Variants in CMBL observed in about 807,000 individuals in gnomAD.
CMBL encodes the protein carboxymethylenebutenolidase homolog.
A neutral mutation model predicts 28.7 loss-of-function variants in CMBL; 17 were observed. That is an observed-to-expected ratio of 0.59 (90% CI 0.41 to 0.89). The LOEUF is 0.89. Among genes scored for constraint, CMBL ranks in the 40% least tolerant of loss-of-function variants. CMBL has a pLI of 0.00. For missense variants in CMBL, 310 were observed against 298.5 expected (o/e 1.04, Z -0.28); for synonymous variants, 106 against 101.6 (o/e 1.04, Z -0.26).
rs1022681136 is a variant in CMBL, at chr5:10,283,421, CAGACCACG to C, written c.467-1141_467-1134del. On this transcript the variant is annotated intron_variant, in intron 4 of 5. Transcript: ENST00000296658. Reference sequence around the variant, plus strand: ...TTTGAGTGGGTATTTAGACTCGCACCAGACCACGAGTGTGGAAGTGTGGAAGTGTGAAA... The same window carrying C: ...TTTGAGTGGGTATTTAGACTCGCACCAGTGTGGAAGTGTGGAAGTGTGAAA... 7.2e-5 allele frequency among the ~76,000 whole-genome samples: 11 copies of C among 152,242 alleles called. No homozygotes were observed. In the East Asian group the frequency reaches 1.9e-3, roughly 27 times the overall value.
chr5:10,302,031 A>G (rs1440225875), intron 1 of CMBL, among the ~76,000 whole-genome samples: 1 of 152,182 alleles, frequency 6.6e-6, no homozygotes, highest in Non-Finnish European at 1.5e-5. Context: ...CTCCTACAGG[A>G]GACGCCCGTG....
chr5:10,286,275 G>A, intron 4 of CMBL, 79 bp downstream of exon 4: 1 of 1,420,226 alleles, frequency 7.0e-7, no homozygotes, highest in Admixed American at 1.9e-5. Context: ...GTGTTACACT[G>A]GATGGGGAGG....
In CMBL at chr5:10,282,282, A is replaced by C. The variant is rs750679138; in HGVS notation, c.473T>G (p.Val158Gly). 1.9e-6 allele frequency: 3 copies of C among 1,599,508 alleles called. No homozygotes were observed. The highest frequency in any genetic ancestry group is 2.6e-6 in the Non-Finnish European group (3 of 1,166,390). Residue 158 changes from valine to glycine, a missense_variant, in exon 5 of 6, where the codon GTC becomes GGC. Val to Gly is a moderately radical substitution (Grantham distance 109). Transcript: ENST00000296658. The stretch of plus-strand genomic sequence containing the variant: ...ATTGTAAATGTCTTCAGAATCCTTG[A>C]CAATGCCTGAAAAACAAGCACAGAG... ...FRAGVSVYGIVKDSEDIYNLK... is the reference protein window; with the variant it reads ...FRAGVSVYGIGKDSEDIYNLK...
intron 1 of CMBL, among the ~76,000 whole-genome samples, chr5:10,301,665 G>A (rs551191471): frequency 2.0e-5 from 3 of 146,678 alleles, no homozygotes; most frequent in East Asian, 2.0e-4. Context: ...TGCAGTGCAC[G>A]ATCTCCGCTC....
chr5:10,302,891 AG>A (rs1746934579), intron 1 of CMBL, among the ~76,000 whole-genome samples: 2 of 152,230 alleles, frequency 1.3e-5, no homozygotes, highest in Non-Finnish European at 2.9e-5. Flanking sequence ...TACATTCTGT[AG>A]AGAATCCCCT....
chr5:10,297,863 T>C (rs1746836277), intron 1 of CMBL, among the ~76,000 whole-genome samples: 1 of 151,512 alleles, frequency 6.6e-6, no homozygotes, highest in Non-Finnish European at 1.5e-5. Context: ...CAGGTGGTGG[T>C]GGGTGTGGGG....
chr5:10,295,862 T>G (rs1746799802), intron 1 of CMBL, among the ~76,000 whole-genome samples: 1 of 152,222 alleles, frequency 6.6e-6, no homozygotes, highest in Admixed American at 6.5e-5. Flanking sequence ...TAAACAAGTG[T>G]CCTTTGCATG....
At position 10,282,315 on chromosome 5, in the gene CMBL, G is replaced by A. The variant is rs748083918; in HGVS notation, c.467-27C>T. ...TGAAAAACAAGCACAGAGGCATGAT[G>A]TCTGATCCCCACACTCATGCCACAT... On this transcript the variant is annotated intron_variant, in intron 4 of 5. Transcript: ENST00000296658. The A allele has an allele frequency of 1.3e-5, 17 of 1,336,540 alleles. No homozygotes were observed. The East Asian group carries it at 3.2e-4, about 25-fold the overall frequency. 82.8% of individuals were successfully genotyped at this position (1,336,540 alleles called of 1,614,324 possible).
At chr5:10,303,325 G>A (rs751169820) in intron 1 of CMBL, among the ~76,000 whole-genome samples, 1 of 152,206 alleles carries the variant, frequency 6.6e-6, no homozygotes, top group Non-Finnish European at 1.5e-5. Flanking sequence ...ATGTTCTCAG[G>A]CCCTCTGGGG....
intron 1 of CMBL, among the ~76,000 whole-genome samples, chr5:10,306,632 T>C (rs1013206580): frequency 1.3e-5 from 2 of 152,174 alleles, no homozygotes. Context: ...TGTAGGAACT[T>C]GCATGGCAAG....
At chr5:10,298,029 C>A (rs1746838351) in intron 1 of CMBL, among the ~76,000 whole-genome samples, 1 of 151,732 alleles carries the variant, frequency 6.6e-6, no homozygotes, top group Non-Finnish European at 1.5e-5. Flanking sequence ...TTTCCTCCAG[C>A]CAGGTCCAGC....
At chr5:10,293,780 G>C (rs1746764993) in intron 1 of CMBL, among the ~76,000 whole-genome samples, 1 of 152,208 alleles carries the variant, frequency 6.6e-6, no homozygotes, top group African/African-American at 2.4e-5. Flanking sequence ...CACTGTCGAA[G>C]GTTCTGGGGA....
At chr5:10,296,453 G>C (rs1746811650) in intron 1 of CMBL, among the ~76,000 whole-genome samples, 1 of 152,144 alleles carries the variant, frequency 6.6e-6, no homozygotes, top group South Asian at 2.1e-4. Flanking sequence ...GCTAATTTTT[G>C]TATTTTTGGT....
At chr5:10,280,740 G>T in intron 5 of CMBL, 108 bp from the exon 6 acceptor site, 1 of 976,930 alleles carries the variant, frequency 1.0e-6, no homozygotes. Flanking sequence ...CTTTAAATCA[G>T]AAACAAGTTC....
chr5:10,305,166 C>G (rs1439626966), intron 1 of CMBL, among the ~76,000 whole-genome samples: 1 of 152,144 alleles, frequency 6.6e-6, no homozygotes, highest in Non-Finnish European at 1.5e-5. Flanking sequence ...GGTGACGTCT[C>G]TGGAAATCAG....
chr5:10,283,067 G>C (rs1217061837), intron 4 of CMBL, among the ~76,000 whole-genome samples: 2 of 140,180 alleles, frequency 1.4e-5, no homozygotes, highest in Non-Finnish European at 3.0e-5. Flanking sequence ...TCCAGCTCTG[G>C]GCAACAGAGC....
At chr5:10,303,144 C>T (rs1746940447) in intron 1 of CMBL, among the ~76,000 whole-genome samples, 1 of 152,212 alleles carries the variant, frequency 6.6e-6, no homozygotes, top group Admixed American at 6.5e-5. Flanking sequence ...AATCAGAAAA[C>T]CTTTGAATCC....
At chr5:10,296,112 C>T (rs760088334) in intron 1 of CMBL, among the ~76,000 whole-genome samples, 3 of 152,188 alleles carry the variant, frequency 2.0e-5, no homozygotes, top group Non-Finnish European at 4.4e-5. Context: ...CACAAAAACA[C>T]ACATAAAACC....
At chr5:10,286,624 G>A (rs1002379153) in intron 3 of CMBL, 128 bp from the exon 4 acceptor site, 1 of 794,974 alleles carries the variant, frequency 1.3e-6, no homozygotes, top group Middle Eastern at 3.4e-4. Context: ...TCTTTTGGGA[G>A]CTCCACCCTT....
Sources: allele counts gnomAD v4.1 joint callset (sites outside exome capture counted in the v4.1 genomes callset), GRCh38; gene constraint gnomAD v4.1.1; transcripts MANE v1.5; gene names NCBI Gene and HGNC (gene_info 2026-07-23, HGNC 2026-07-21).